EXTL3: variants seen among roughly 807,000 people sequenced by gnomAD.
EXTL3 encodes the protein exostosin like glycosyltransferase 3.
In EXTL3, 27 loss-of-function variants were observed where a neutral mutation model predicts 69.3. The ratio of observed to expected loss-of-function variants is 0.39; its 90% CI spans 0.29 to 0.54. The LOEUF is 0.54. Among genes scored for constraint, EXTL3 ranks in the 20% least tolerant of loss-of-function variants. EXTL3 has a pLI of 0.69. For synonymous variants in EXTL3, 511 were observed against 499.4 expected (o/e 1.02, Z -0.31); for missense variants, 1,003 against 1,231.8 (o/e 0.81, Z 2.78).
intron 3 of EXTL3, among the ~76,000 whole-genome samples, chr8:28,728,285 C>T (rs1406757147): frequency 6.6e-6 from 1 of 152,238 alleles, no homozygotes; most frequent in East Asian, 1.9e-4. Flanking sequence ...CACCCTCCCG[C>T]CCTTTGGCGA....
Position 28,716,888 on chromosome 8 carries a change from A to T in EXTL3, c.829A>T (p.Asn277Tyr). ...GGATGGACACAACCATGTCATCATCAATCTGTCACGTAAGTCAGATACACA... is the reference window on the plus strand; with the variant it reads ...GGATGGACACAACCATGTCATCATCTATCTGTCACGTAAGTCAGATACACA... ...RTDGHNHVII[N>Y]LSRKSDTQNL... is the part of the protein sequence containing the mutation. Residue 277 changes from asparagine (N) to tyrosine (Y), a missense_variant, in exon 3 of 7, where the codon AAT (asparagine) becomes TAT (tyrosine). Asn to Tyr is a moderately radical substitution (Grantham distance 143, BLOSUM62 -2). Coordinates refer to ENST00000220562, the MANE Select transcript of EXTL3 (RefSeq NM_001440.4). The surrounding 1 kb of genome is among the most constrained non-coding windows in gnomAD (Gnocchi z 7.1). 1 of 1,614,200 alleles carries T rather than the reference A, an allele frequency of 6.2e-7. No homozygotes were observed. The highest frequency in any genetic ancestry group is 2.2e-5 in the East Asian group (1 of 44,880).
intron 1 of EXTL3, among the ~76,000 whole-genome samples, chr8:28,680,052 C>CTT (rs557230863): frequency 1.4e-5 from 2 of 143,668 alleles, no homozygotes; most frequent in Non-Finnish European, 3.1e-5. Context: ...AATATTTGTG[C>CTT]TTTTTTTTTT....
chr8:28,722,593 T>C (rs958314839), intron 3 of EXTL3, among the ~76,000 whole-genome samples: 1 of 151,688 alleles, frequency 6.6e-6, no homozygotes, highest in African/African-American at 2.4e-5. Flanking sequence ...CTGGGCAACA[T>C]AGGGAGACCC....
At position 28,717,595 on chromosome 8, in the gene EXTL3, C is replaced by T. The variant is rs1801189757; in HGVS notation, c.1536C>T (p.Gly512=). The change falls in exon 3 of 7, where the codon GGC becomes GGT. Residue 512 remains glycine (G), a synonymous_variant. Coordinates refer to ENST00000220562, the MANE Select transcript of EXTL3 (RefSeq NM_001440.4). The surrounding 1 kb of genome is among the most constrained non-coding windows in gnomAD (Gnocchi z 8.3). Reference sequence around the variant, plus strand: ...ACCTCCTGGCTATGAGGCGGCAAGGCCGCTTTCTCTGGGAGACTTACTTCT... The same window carrying T: ...ACCTCCTGGCTATGAGGCGGCAAGGTCGCTTTCTCTGGGAGACTTACTTCT... ...DSDLLAMRRQ[G]RFLWETYFST... The T allele has an allele frequency of 1.9e-6, 3 of 1,614,256 alleles. No individual in the cohort carries two copies. The highest frequency in any genetic ancestry group is 2.5e-6 in the Non-Finnish European group (3 of 1,180,050).
chr8:28,705,340 C>CA (rs1161543628), intron 1 of EXTL3, among the ~76,000 whole-genome samples: 1 of 152,050 alleles, frequency 6.6e-6, no homozygotes, highest in East Asian at 1.9e-4. Context: ...CCTGATGAAT[C>CA]AGAAATATGG....
At chr8:28,615,796 A>G (rs898260633) in intron 2 of EXTL3, among the ~76,000 whole-genome samples, 1 of 151,550 alleles carries the variant, frequency 6.6e-6, no homozygotes, top group African/African-American at 2.4e-5. Context: ...CTGGTCTCAA[A>G]CTCCTAACCT....
chr8:28,696,045 T>A (rs973942351), intron 1 of EXTL3, among the ~76,000 whole-genome samples: 5 of 151,980 alleles, frequency 3.3e-5, no homozygotes, highest in Admixed American at 2.6e-4. Flanking sequence ...CCCACCTAAG[T>A]GTGCCACCAT....
At chr8:28,696,791 C>T (rs1256970135), upstream of EXTL3, 1 of 152,158 alleles carries the variant, frequency 6.6e-6, no homozygotes, top group African/African-American at 2.4e-5. Flanking sequence ...AACTCCTGAC[C>T]TCAAGTGATC....
intron 4 of EXTL3, among the ~76,000 whole-genome samples, chr8:28,734,582 T>A (rs1801607595): frequency 6.6e-6 from 1 of 152,120 alleles, no homozygotes; most frequent in Non-Finnish European, 1.5e-5. Flanking sequence ...CGTGTTGGCG[T>A]GCGCCTGTAA....
intron 1 of EXTL3, among the ~76,000 whole-genome samples, chr8:28,677,879 T>C (rs1807413957): frequency 6.6e-6 from 1 of 152,216 alleles, no homozygotes; most frequent in Admixed American, 6.5e-5. Context: ...CAAAGATTAG[T>C]AAAATACTGT....
intron 1 of EXTL3, among the ~76,000 whole-genome samples, chr8:28,638,551 C>T (rs1806691187): frequency 1.3e-5 from 2 of 152,148 alleles, no homozygotes; most frequent in Admixed American, 1.3e-4. Context: ...AGCTGAGACC[C>T]AGTCCTTTTA....
intron 1 of EXTL3, among the ~76,000 whole-genome samples, chr8:28,669,135 A>T (rs1332450676): frequency 6.6e-6 from 1 of 152,204 alleles, no homozygotes; most frequent in Non-Finnish European, 1.5e-5. Context: ...AAATACTGGG[A>T]TTACAGGCAT....
At chr8:28,624,365 A>AC (rs1339243610) in intron 1 of EXTL3, among the ~76,000 whole-genome samples, 2 of 152,140 alleles carry the variant, frequency 1.3e-5, no homozygotes, top group African/African-American at 4.8e-5. Context: ...AGAGTTCAAG[A>AC]CCATGCTGGG....
At chr8:28,728,157 G>A (rs758769123) in intron 3 of EXTL3, among the ~76,000 whole-genome samples, 4 of 152,186 alleles carry the variant, frequency 2.6e-5, no homozygotes, top group African/African-American at 9.7e-5. Context: ...ACCATATGCC[G>A]TCATTTCCAA....
chr8:28,693,602 T>G (rs1800648070), intron 1 of EXTL3, among the ~76,000 whole-genome samples: 1 of 152,256 alleles, frequency 6.6e-6, no homozygotes, highest in Admixed American at 6.5e-5. Context: ...TGTTTTGTCT[T>G]GAAACTGATA....
At chr8:28,725,551 G>C (rs1423890226) in intron 3 of EXTL3, among the ~76,000 whole-genome samples, 1 of 152,148 alleles carries the variant, frequency 6.6e-6, no homozygotes, top group African/African-American at 2.4e-5. Context: ...TAAATAGAAT[G>C]GCAGGGCTAA....
At chr8:28,650,976 G>C (rs572060716) in intron 1 of EXTL3, among the ~76,000 whole-genome samples, 1 of 152,170 alleles carries the variant, frequency 6.6e-6, no homozygotes, top group South Asian at 2.1e-4. Flanking sequence ...TGTGAAAAGG[G>C]AGTGGGACCA....
chr8:28,697,351 G>A (rs1413622385), upstream of EXTL3: 1 of 152,154 alleles, frequency 6.6e-6, no homozygotes, highest in South Asian at 2.1e-4. Context: ...GTGGACACAC[G>A]ACCCAAGCTG....
At chr8:28,643,250 C>G (rs1204263917) in intron 1 of EXTL3, among the ~76,000 whole-genome samples, 1 of 150,808 alleles carries the variant, frequency 6.6e-6, no homozygotes, top group African/African-American at 2.4e-5. Context: ...TCTCAAAAAA[C>G]AAAAAAAAGA....
Sources: gnomAD v4.1 joint callset for allele counts (sites outside exome capture counted in the v4.1 genomes callset) on GRCh38, gnomAD v4.1.1 for gene constraint, Gnocchi (gnomAD v3.1) non-coding constraint, MANE v1.5 for transcripts, NCBI Gene and HGNC (gene_info 2026-07-23, HGNC 2026-07-21) for gene names.